Variants in CSMD1 observed in about 807,000 individuals in gnomAD.
CSMD1 encodes CUB and Sushi multiple domains 1.
In CSMD1, 213 loss-of-function variants were observed where a neutral mutation model predicts 417.5. The observed-to-expected ratio is 0.51, with a 90% confidence interval of 0.46 to 0.57. The LOEUF is 0.57. Ranked by LOEUF, CSMD1 falls within the 20% of genes least tolerant of loss-of-function variation. The pLI is 0.00. For synonymous variants in CSMD1, 2,862 were observed against 1,736.8 expected (o/e 1.65, Z -16.11); for missense variants, 6,923 against 4,529.7 (o/e 1.53, Z -15.17).
intron 5 of CSMD1, among the ~76,000 whole-genome samples, chr8:3,767,491 T>C (rs902432179): frequency 2.0e-5 from 3 of 152,228 alleles, no homozygotes; most frequent in Non-Finnish European, 2.9e-5. Context: ...CTTTTTCTAC[T>C]TCCCCCAACC....
At chr8:4,628,211 G>GT (rs1316107239) in intron 2 of CSMD1, among the ~76,000 whole-genome samples, 4 of 151,000 alleles carry the variant, frequency 2.6e-5, no homozygotes, top group African/African-American at 9.7e-5. Flanking sequence ...ACATTTTCTT[G>GT]TAGTTCTAAA....
chr8:4,240,807 C>A (rs1415676572), intron 3 of CSMD1, among the ~76,000 whole-genome samples: 1 of 152,054 alleles, frequency 6.6e-6, no homozygotes, highest in Non-Finnish European at 1.5e-5. Context: ...TCCATACTAT[C>A]TATTTTTTTA....
intron 18 of CSMD1, among the ~76,000 whole-genome samples, chr8:3,378,723 A>G (rs977016176): frequency 6.6e-6 from 1 of 152,206 alleles, no homozygotes; most frequent in African/African-American, 2.4e-5. Flanking sequence ...AACTCTCAAT[A>G]AACTAGGTAG....
chr8:4,285,132 T>G (rs1424937589), intron 3 of CSMD1, among the ~76,000 whole-genome samples: 1 of 152,224 alleles, frequency 6.6e-6, no homozygotes, highest in African/African-American at 2.4e-5. Context: ...TCCTTTTAAC[T>G]TACAGATATT....
chr8:4,487,753 G>A (rs1191524968), intron 2 of CSMD1, among the ~76,000 whole-genome samples: 1 of 152,170 alleles, frequency 6.6e-6, no homozygotes, highest in Non-Finnish European at 1.5e-5. Context: ...CAGTCTAACT[G>A]CCTTAATCGT....
chr8:3,865,788 A>G (rs1292213399), intron 5 of CSMD1, among the ~76,000 whole-genome samples: 1 of 152,178 alleles, frequency 6.6e-6, no homozygotes, highest in Non-Finnish European at 1.5e-5. Flanking sequence ...TTTCTCTAAA[A>G]TAAGTGCCTC....
intron 18 of CSMD1, among the ~76,000 whole-genome samples, chr8:3,385,956 T>G (rs1810978631): frequency 6.6e-6 from 1 of 152,114 alleles, no homozygotes; most frequent in Admixed American, 6.5e-5. Flanking sequence ...GTGATTGTCG[T>G]GAAATAGAAG....
At chr8:4,179,324 G>T (rs965659941) in intron 3 of CSMD1, among the ~76,000 whole-genome samples, 1 of 152,268 alleles carries the variant, frequency 6.6e-6, no homozygotes, top group Non-Finnish European at 1.5e-5. Flanking sequence ...CCAAGCAATG[G>T]GGGAAGGATT....
intron 5 of CSMD1, among the ~76,000 whole-genome samples, chr8:3,826,899 A>G (rs1802085990): frequency 1.3e-5 from 2 of 152,008 alleles, no homozygotes; most frequent in Admixed American, 1.3e-4. Flanking sequence ...CCATTCTCCC[A>G]CCTCAGCCTC....
At chr8:4,989,289 A>C (rs1811344696) in intron 1 of CSMD1, among the ~76,000 whole-genome samples, 1 of 152,260 alleles carries the variant, frequency 6.6e-6, no homozygotes, top group African/African-American at 2.4e-5. Flanking sequence ...AAGAAAAAAA[A>C]AAATCTGCCC....
intron 3 of CSMD1, among the ~76,000 whole-genome samples, chr8:4,165,085 G>T (rs553471437): frequency 3.3e-5 from 5 of 152,112 alleles, no homozygotes; most frequent in Non-Finnish European, 5.9e-5. Flanking sequence ...GGGTACAGAT[G>T]TGTGTTTAGA....
chr8:3,593,387 G>A (rs948180845), intron 8 of CSMD1, among the ~76,000 whole-genome samples: 1 of 152,196 alleles, frequency 6.6e-6, no homozygotes, highest in African/African-American at 2.4e-5. Flanking sequence ...AGAAGGTCAA[G>A]CCCATGAGCC....
intron 1 of CSMD1, among the ~76,000 whole-genome samples, chr8:4,846,798 C>A (rs1801173718): frequency 6.6e-6 from 1 of 152,104 alleles, no homozygotes; most frequent in Non-Finnish European, 1.5e-5. Flanking sequence ...AATTAGACAG[C>A]AAATGTGTTT....
chr8:3,258,170 AAAGG>A (rs1262480102), intron 26 of CSMD1, among the ~76,000 whole-genome samples: 7 of 152,196 alleles, frequency 4.6e-5, no homozygotes, highest in African/African-American at 1.7e-4. Flanking sequence ...CAACCTAAAG[AAAGG>A]GAGAAAATTT....
At chr8:4,587,292 G>A (rs1422941295) in intron 2 of CSMD1, among the ~76,000 whole-genome samples, 1 of 152,020 alleles carries the variant, frequency 6.6e-6, no homozygotes, top group Non-Finnish European at 1.5e-5. Flanking sequence ...AGAGCTTAAT[G>A]TTCTTTTACT....
chr8:3,584,652 G>A (rs1034259897), intron 9 of CSMD1, among the ~76,000 whole-genome samples: 2 of 152,074 alleles, frequency 1.3e-5, no homozygotes, highest in Non-Finnish European at 2.9e-5. Flanking sequence ...TAATATAAAG[G>A]CAAATATTTA....
At position 3,914,631 on chromosome 8, in the gene CSMD1, T is replaced by G. The variant is rs547686367; in HGVS notation, c.818+83272A>C. On this transcript the variant is annotated intron_variant, in intron 5 of 69. Coordinates refer to ENST00000635120, the MANE Select transcript of CSMD1 (RefSeq NM_033225.6). Reference sequence around the variant, plus strand: ...AGCTAGCATTAAATGAAACTCTTTCTGTCTCTCAGATCTCCACCTAGTCCA... The same window carrying G: ...AGCTAGCATTAAATGAAACTCTTTCGGTCTCTCAGATCTCCACCTAGTCCA... 6.2e-4 allele frequency among the ~76,000 whole-genome samples: 94 copies of G among 152,232 alleles called. 3 individuals are homozygous for G. The South Asian group carries it at 0.019, about 31-fold the overall frequency.
chr8:3,272,904 C>G (rs994966677), intron 26 of CSMD1, among the ~76,000 whole-genome samples: 1 of 149,302 alleles, frequency 6.7e-6, no homozygotes, highest in Non-Finnish European at 1.5e-5. Context: ...TCCTCTTTTC[C>G]TAATTGAATA....
intron 3 of CSMD1, among the ~76,000 whole-genome samples, chr8:4,037,525 G>C (rs1563348166): frequency 6.6e-6 from 1 of 152,136 alleles, no homozygotes; most frequent in Non-Finnish European, 1.5e-5. Context: ...AATTTTAGAA[G>C]AATTTGAAAA....
Sources: gnomAD v4.1 joint callset for allele counts (sites outside exome capture counted in the v4.1 genomes callset) on GRCh38, gnomAD v4.1.1 for gene constraint, MANE v1.5 for transcripts, NCBI Gene and HGNC (gene_info 2026-07-23, HGNC 2026-07-21) for gene names.